The following ANXA8 variants were observed in gnomAD, a reference collection of about 807,000 sequenced individuals.
The protein encoded by ANXA8 is annexin A8.
ANXA8 carries 9 observed loss-of-function variants against 26.8 expected under a neutral mutation model. The observed-to-expected ratio is 0.34, with a 90% confidence interval of 0.20 to 0.59. The LOEUF (loss-of-function observed/expected upper bound fraction) is 0.59, where lower values mean the gene tolerates loss of function less well. Among genes scored for constraint, ANXA8 ranks in the 20% least tolerant of loss-of-function variants. ANXA8 has a pLI of 0.84. For missense variants in ANXA8, 83 were observed against 238.5 expected (o/e 0.35, Z 4.29); for synonymous variants, 39 against 94.8 (o/e 0.41, Z 3.42).
the ANXA8 span, among the ~76,000 whole-genome samples, chr10:47,679,893 G>A: frequency 1.6e-4 from 24 of 152,184 alleles, no homozygotes; most frequent in Middle Eastern, 6.8e-3. Context: ...ACTCCAGCAT[G>A]GGAGACAGAG....
chr10:47,957,071 A>C, the ANXA8 span, among the ~76,000 whole-genome samples: 1 of 150,270 alleles, frequency 6.7e-6, no homozygotes. Context: ...TGGGCTGCAG[A>C]TTCATTGATT....
the ANXA8 span, among the ~76,000 whole-genome samples, chr10:47,637,518 G>A: frequency 6.9e-6 from 1 of 144,336 alleles, no homozygotes; most frequent in Middle Eastern, 3.2e-3. Context: ...GAATTTGAAA[G>A]CACATTAATC....
At chr10:47,510,762 A>G in the ANXA8 span, among the ~76,000 whole-genome samples, 3 of 111,306 alleles carry the variant, frequency 2.7e-5, no homozygotes, top group Admixed American at 8.9e-5. Context: ...CCCAGGAGGC[A>G]GAGCTTGCAG....
the ANXA8 span, among the ~76,000 whole-genome samples, chr10:47,514,300 A>G: frequency 6.6e-6 from 1 of 150,420 alleles, no homozygotes; most frequent in African/African-American, 2.5e-5. Flanking sequence ...ATAAGGAATA[A>G]ATTCATGGCA....
the ANXA8 span, among the ~76,000 whole-genome samples, chr10:47,621,798 A>T: frequency 9.2e-6 from 1 of 108,192 alleles, no homozygotes; most frequent in East Asian, 2.2e-4. Flanking sequence ...GTCTCTCTAG[A>T]TCCAAGTGCC....
chr10:47,509,943 G>T, the ANXA8 span, among the ~76,000 whole-genome samples: 4 of 142,172 alleles, frequency 2.8e-5, no homozygotes, highest in African/African-American at 1.0e-4. Context: ...AAGGCATAAA[G>T]ACATCAAAAA....
the ANXA8 span, among the ~76,000 whole-genome samples, chr10:47,493,146 G>T: frequency 9.9e-5 from 15 of 151,236 alleles, no homozygotes; most frequent in Admixed American, 9.9e-4. Flanking sequence ...GTGAATCGGG[G>T]CTTCAACAAT....
the ANXA8 span, among the ~76,000 whole-genome samples, chr10:47,560,591 T>C: frequency 6.6e-6 from 1 of 151,896 alleles, no homozygotes; most frequent in Non-Finnish European, 1.5e-5. Flanking sequence ...GTTTGACCAC[T>C]TGCAGGGCAC....
At chr10:47,590,644 T>C in the ANXA8 span, among the ~76,000 whole-genome samples, 1 of 146,086 alleles carries the variant, frequency 6.8e-6, no homozygotes, top group African/African-American at 2.8e-5. Flanking sequence ...TAATGCTGTC[T>C]TCTAGAGACC....
upstream of ANXA8, chr10:47,487,198 G>A (rs1416384004): frequency 1.1e-5 from 9 of 788,558 alleles, no homozygotes; most frequent in Middle Eastern, 3.8e-4. Context: ...ATCCAAATGG[G>A]AATAAATCCA....
chr10:47,626,695 A>T, the ANXA8 span, among the ~76,000 whole-genome samples: 3 of 150,252 alleles, frequency 2.0e-5, no homozygotes, highest in Non-Finnish European at 4.4e-5. Flanking sequence ...CTTAGCTTCA[A>T]ACTGTAATTT....
At chr10:47,988,892 A>T in the ANXA8 span, among the ~76,000 whole-genome samples, 1 of 151,868 alleles carries the variant, frequency 6.6e-6, no homozygotes, top group Non-Finnish European at 1.5e-5. Flanking sequence ...CTGAATGTTT[A>T]AAAACAAATA....
At chr10:47,733,280 T>TTTCTTTCC in the ANXA8 span, among the ~76,000 whole-genome samples, 1 of 100,466 alleles carries the variant, frequency 1.0e-5, no homozygotes, top group East Asian at 3.2e-4. Flanking sequence ...TCTTTCTTTC[T>TTTCTTTCC]TTCTTTCTTT....
At chr10:47,943,773 T>C in the ANXA8 span, among the ~76,000 whole-genome samples, 1 of 149,552 alleles carries the variant, frequency 6.7e-6, no homozygotes, top group South Asian at 2.1e-4. Context: ...GGCTGTGGGG[T>C]GCAGCTTGGT....
chr10:47,647,342 T>C, the ANXA8 span, among the ~76,000 whole-genome samples: 2 of 151,496 alleles, frequency 1.3e-5, no homozygotes, highest in Admixed American at 6.6e-5. Context: ...GGAGAAATAC[T>C]GACATTGTTC....
chr10:47,702,063 T>C, the ANXA8 span, among the ~76,000 whole-genome samples: 8 of 149,570 alleles, frequency 5.3e-5, no homozygotes, highest in African/African-American at 2.0e-4. Flanking sequence ...AGTACATAGA[T>C]TGTAGATAAG....
the ANXA8 span, among the ~76,000 whole-genome samples, chr10:47,896,309 G>A: frequency 1.3e-5 from 1 of 79,484 alleles, no homozygotes; most frequent in Admixed American, 1.3e-4. Flanking sequence ...CAATGTTCAA[G>A]AGGATTAGAG....
At chr10:47,980,542 T>A in the ANXA8 span, among the ~76,000 whole-genome samples, 1 of 151,750 alleles carries the variant, frequency 6.6e-6, no homozygotes, top group African/African-American at 2.4e-5. Context: ...AAAAAAGTTA[T>A]GTGCCCTATT....
At chr10:47,530,425 C>T in the ANXA8 span, among the ~76,000 whole-genome samples, 19 of 149,296 alleles carry the variant, frequency 1.3e-4, no homozygotes, top group South Asian at 8.4e-4. Context: ...CGGTGGCTCA[C>T]GCCTGTAATC....
Sources: gnomAD v4.1 joint callset for allele counts (sites outside exome capture counted in the v4.1 genomes callset) on GRCh38, gnomAD v4.1.1 for gene constraint, MANE v1.5 for transcripts, NCBI Gene and HGNC (gene_info 2026-07-23, HGNC 2026-07-21) for gene names.